CADPS: variants seen among roughly 807,000 people sequenced by gnomAD.
CADPS encodes calcium dependent secretion activator.
A neutral mutation model predicts 167.3 loss-of-function variants in CADPS; 57 were observed. The observed-to-expected ratio is 0.34, with a 90% CI of 0.28 to 0.42. The LOEUF (loss-of-function observed/expected upper bound fraction) is 0.42, where lower values mean the gene tolerates loss of function less well. Among genes scored for constraint, CADPS ranks in the 20% least tolerant of loss-of-function variants. The pLI is 1.00. For synonymous variants in CADPS, 676 were observed against 635.3 expected, an observed-to-expected ratio of 1.06 and a Z score of -0.96; for missense variants, 1,414 against 1,738.1, an observed-to-expected ratio of 0.81 and a Z score of 3.32.
intron 1 of CADPS, among the ~76,000 whole-genome samples, chr3:62,790,350 C>A (rs995173404): frequency 6.6e-6 from 1 of 152,052 alleles, no homozygotes; most frequent in African/African-American, 2.4e-5. Flanking sequence ...ACTACTGATA[C>A]AAGAGAAATT....
chr3:62,542,452 T>C (rs1335728291), intron 11 of CADPS, among the ~76,000 whole-genome samples: 2 of 152,114 alleles, frequency 1.3e-5, no homozygotes, highest in African/African-American at 2.4e-5. Context: ...CAATGACTGA[T>C]GGCAGCTGGT....
chr3:62,829,544 T>C (rs979992139), intron 1 of CADPS, among the ~76,000 whole-genome samples: 3 of 152,134 alleles, frequency 2.0e-5, no homozygotes, highest in Non-Finnish European at 4.4e-5. Flanking sequence ...AAAAACATCC[T>C]GATAAAGCTC....
At chr3:62,873,421 C>T (rs151147545) in intron 1 of CADPS, among the ~76,000 whole-genome samples, 3,373 of 152,248 alleles carry the variant, frequency 0.022, 66 homozygotes, top group South Asian at 0.056. Context: ...CTGTGTGGGG[C>T]TTGACTGGCT....
intron 6 of CADPS, among the ~76,000 whole-genome samples, chr3:62,632,036 T>C (rs2065380187): frequency 1.3e-5 from 2 of 152,172 alleles, no homozygotes; most frequent in South Asian, 4.1e-4. Flanking sequence ...TAGAATGATT[T>C]GGTCACCCTA....
At chr3:62,681,260 C>G (rs951153614) in intron 3 of CADPS, among the ~76,000 whole-genome samples, 5 of 152,062 alleles carry the variant, frequency 3.3e-5, no homozygotes, top group African/African-American at 1.2e-4. Context: ...CTCAAAGACT[C>G]TTCTCAAAGA....
chr3:62,759,122 T>A (rs1431981599), intron 2 of CADPS, among the ~76,000 whole-genome samples: 1 of 152,196 alleles, frequency 6.6e-6, no homozygotes, highest in Non-Finnish European at 1.5e-5. Flanking sequence ...TGGGCCCTGG[T>A]ATTAGAACAC....
intron 11 of CADPS, among the ~76,000 whole-genome samples, chr3:62,547,323 T>G (rs377573000): frequency 4.6e-5 from 7 of 152,192 alleles, no homozygotes; most frequent in Non-Finnish European, 1.0e-4. Context: ...GCCATTCATA[T>G]TTTTGTGTAT....
At position 62,544,832 on chromosome 3, in the gene CADPS, A is replaced by G. The variant is rs760622947; in HGVS notation, c.1966+5071T>C. ...TCTGATTATCTGAGCTGTGCTAGCTATAGGGGAGCACTTACCCTTCAGTCC... is the reference window on the plus strand; with the variant it reads ...TCTGATTATCTGAGCTGTGCTAGCTGTAGGGGAGCACTTACCCTTCAGTCC... On this transcript the variant is annotated intron_variant, in intron 11 of 29. Coordinates refer to ENST00000383710, the MANE Select transcript of CADPS (RefSeq NM_003716.4). This position sits in a 1 kb window ranked among gnomAD's most constrained non-coding sequence, Gnocchi z 4.4. 4.3e-4 allele frequency: 527 copies of G among 1,233,998 alleles called. No individual in the cohort carries two copies. The highest frequency in any genetic ancestry group is 5.0e-4 in the Non-Finnish European group (484 of 962,416). The allele number at this position is 1,233,998 out of a possible 1,614,324, so 76.4% of individuals were successfully genotyped here.
intron 1 of CADPS, among the ~76,000 whole-genome samples, chr3:62,846,770 T>C (rs2077512743): frequency 6.6e-6 from 1 of 152,118 alleles, no homozygotes; most frequent in South Asian, 2.1e-4. Flanking sequence ...TTCGAGCAAT[T>C]CTTTTGATTC....
rs560502856 is a variant in CADPS at position 62,471,519 on chromosome 3, G to A, written c.3477+2654C>T. Among the ~76,000 whole-genome samples, 11 of 152,168 alleles carry A rather than the reference G, an allele frequency of 7.2e-5. No individual in the cohort carries two copies. In the South Asian group the frequency reaches 2.1e-3, roughly 29 times the overall value. ...TCCCACTACTCTCCCTAAACCCCCA[G>A]CTCAAAAGCAAAACAGCCCAGATCA... is the stretch of plus-strand genomic sequence containing the variant. On this transcript the variant is annotated intron_variant, in intron 24 of 29. Transcript: ENST00000383710.
rs534921149 is a variant in CADPS, at chr3:62,413,262, G to C, written c.3778-10077C>G. The stretch of plus-strand genomic sequence containing the variant: ...GTACCATTATACTTACTCAAAAGTG[G>C]AACTTTTGAGTATAGATGCAAAAAC... On this transcript the variant is annotated intron_variant, in intron 28 of 29. Coordinates refer to ENST00000383710, the MANE Select transcript of CADPS (RefSeq NM_003716.4). 3.3e-5 allele frequency among the ~76,000 whole-genome samples: 5 copies of C among 152,160 alleles called. No individual in the cohort carries two copies. The South Asian group carries it at 1.0e-3, about 32-fold the overall frequency.
chr3:62,735,925 C>T (rs1409639637), intron 3 of CADPS, among the ~76,000 whole-genome samples: 1 of 152,148 alleles, frequency 6.6e-6, no homozygotes, highest in Non-Finnish European at 1.5e-5. Context: ...CTCCGGGTCT[C>T]TTAGGTTATA....
At chr3:62,623,765 A>G (rs926926253) in intron 6 of CADPS, among the ~76,000 whole-genome samples, 1 of 152,198 alleles carries the variant, frequency 6.6e-6, no homozygotes, top group Non-Finnish European at 1.5e-5. Flanking sequence ...ATAAATTGTA[A>G]CTTCCCACGG....
At chr3:62,773,465 T>C (rs2089455728) in intron 1 of CADPS, among the ~76,000 whole-genome samples, 1 of 152,176 alleles carries the variant, frequency 6.6e-6, no homozygotes, top group East Asian at 1.9e-4. Context: ...AAAAACATAT[T>C]GAAGGTGGGG....
intron 17 of CADPS, among the ~76,000 whole-genome samples, chr3:62,512,035 T>G (rs1028951702): frequency 6.6e-6 from 1 of 152,292 alleles, no homozygotes; most frequent in Middle Eastern, 3.4e-3. Context: ...GAATGCTTTC[T>G]GAAATGTTTT....
At chr3:62,511,644 C>G (rs2067852448) in intron 17 of CADPS, among the ~76,000 whole-genome samples, 1 of 152,100 alleles carries the variant, frequency 6.6e-6, no homozygotes, top group Non-Finnish European at 1.5e-5. Context: ...TTTGCTTATT[C>G]TAATTCATCT....
At chr3:62,428,415 T>A (rs1215579269) in intron 28 of CADPS, among the ~76,000 whole-genome samples, 2 of 148,396 alleles carry the variant, frequency 1.3e-5, no homozygotes, top group Non-Finnish European at 3.0e-5. Flanking sequence ...ATTGCTGATC[T>A]AACGTGCTGT....
intron 3 of CADPS, among the ~76,000 whole-genome samples, chr3:62,720,824 T>C (rs1417537620): frequency 6.6e-6 from 1 of 150,800 alleles, no homozygotes; most frequent in East Asian, 1.9e-4. Flanking sequence ...TTTTTTTTTT[T>C]TTTTTCTTTT....
chr3:62,490,992 C>A (rs1006191916), intron 21 of CADPS, among the ~76,000 whole-genome samples: 26 of 152,278 alleles, frequency 1.7e-4, no homozygotes, highest in African/African-American at 5.8e-4. Context: ...ACCGAACACA[C>A]TTTGGGAAAC....
Sources: gnomAD v4.1 joint callset for allele counts (sites outside exome capture counted in the v4.1 genomes callset) on GRCh38, gnomAD v4.1.1 for gene constraint, Gnocchi (gnomAD v3.1) non-coding constraint, MANE v1.5 for transcripts, NCBI Gene and HGNC (gene_info 2026-07-23, HGNC 2026-07-21) for gene names.